Variants in OR5J2 observed in about 807,000 individuals in gnomAD.
The protein encoded by OR5J2 is olfactory receptor family 5 subfamily J member 2, also known as olfactory receptor 5J2.
In OR5J2, 4 loss-of-function variants were observed where a neutral mutation model predicts 6.7. That is an observed-to-expected ratio of 0.60 (90% confidence interval 0.29 to 1.37). The LOEUF is 1.37. Ranked by LOEUF, OR5J2 falls within the 40% of genes most tolerant of loss-of-function variation. The pLI, the probability that OR5J2 is intolerant of heterozygous loss-of-function variation, is 0.09. For missense variants in OR5J2, 415 were observed against 366.4 expected, an observed-to-expected ratio of 1.13 and a Z score of -1.08; for synonymous variants, 174 against 140.4, an observed-to-expected ratio of 1.24 and a Z score of -1.69.
Position 56,176,856 on chromosome 11 carries a change from A to G in OR5J2, c.239A>G (p.Lys80Arg), listed in dbSNP as rs1421052321. Residue 80 changes from lysine to arginine, a missense_variant, in exon 1 of 1, where the codon AAA becomes AGA. Physicochemically the swap from Lys to Arg is conservative, Grantham distance 26. Coordinates refer to ENST00000312298, the MANE Select transcript of OR5J2 (RefSeq NM_001005492.1). Reference sequence around the variant, plus strand: ...TGCTATTCATCTGCAATTGCACCCAAAATGCTGGTGAACCTCCTGGTTGTG... The same window carrying G: ...TGCTATTCATCTGCAATTGCACCCAGAATGCTGGTGAACCTCCTGGTTGTG... Reference protein sequence around the residue: ...DACYSSAIAPKMLVNLLVVKA... With the variant: ...DACYSSAIAPRMLVNLLVVKA... The G allele has an allele frequency of 6.2e-7, 1 of 1,613,924 alleles. No homozygotes were observed. Among genetic ancestry groups the G allele is most frequent in the African/African-American group, 1.3e-5 (1 of 74,902 alleles).
chr11:56,177,233 AT>A lies in OR5J2; in HGVS notation c.618del (p.Ile206MetfsTer7). 1.9e-6 allele frequency: 3 copies of A among 1,613,976 alleles called. No homozygotes were observed. In the South Asian group the frequency reaches 3.3e-5, roughly 18 times the overall value. On this transcript the variant is annotated frameshift_variant, in exon 1 of 1. Transcript: ENST00000312298. LOFTEE classifies it high-confidence loss of function. ...ELLLLTFSGV[I>X]AMATFLTVII... is the part of the protein sequence containing the mutation. ...GTTGCTGTTAACCTTCTCCGGAGTC[AT>A]TGCCATGGCCACCTTCTTGACTGTG... is the stretch of plus-strand genomic sequence containing the variant.
rs769718571 is a variant in OR5J2 at position 56,176,706 on chromosome 11, T to A, written c.89T>A (p.Val30Glu). The part of the protein sequence containing the change: ...HAELKAVLFV[V>E]FLVIYAITLL... ...GAACTAAAAGCTGTGCTTTTTGTGG[T>A]GTTCCTGGTGATTTACGCCATTACC... The change falls in exon 1 of 1, where the codon GTG becomes GAG. Residue 30 changes from valine to glutamate, a missense_variant. By Grantham distance (121) the Val-to-Glu change is moderately radical. Transcript: ENST00000312298. 5.0e-6 allele frequency: 8 copies of A among 1,613,866 alleles called. No homozygotes were observed. Among genetic ancestry groups the A allele is most frequent in the Admixed American group, 1.7e-5 (1 of 59,984 alleles).
In OR5J2 at chr11:56,176,657, CT is replaced by C; in HGVS notation, c.44del (p.Leu15TrpfsTer3). 1 of 1,612,866 alleles carries C rather than the reference CT, an allele frequency of 6.2e-7. No individual in the cohort carries two copies. The highest frequency in any genetic ancestry group is 8.5e-7 in the Non-Finnish European group (1 of 1,179,298). On this transcript the variant is annotated frameshift_variant, in exon 1 of 1. Coordinates refer to ENST00000312298, the MANE Select transcript of OR5J2 (RefSeq NM_001005492.1). LOFTEE classifies it low-confidence loss of function (END_TRUNC). ...TTTTACAGTTGTCACTGAGTTTATT[CT>C]TTTGGGATTGACAGATCATGCTGAA... ...DNFTVVTEFI[L>X]LGLTDHAELK...
chr11:56,177,083 A>G lies in OR5J2; in HGVS notation c.466A>G (p.Thr156Ala), dbSNP rs1371931564. The change falls in exon 1 of 1, where the codon ACA becomes GCA. Residue 156 changes from threonine (T) to alanine (A), a missense_variant. Physicochemically the swap from Thr to Ala is moderately conservative, Grantham distance 58. Coordinates refer to ENST00000312298, the MANE Select transcript of OR5J2 (RefSeq NM_001005492.1). Reference protein sequence around the residue: ...TGSWIGGIVNTLIHTISLRRL... With the variant: ...TGSWIGGIVNALIHTISLRRL... ...ATCATGGATAGGTGGAATAGTTAAC[A>G]CATTAATCCACACAATCAGCTTGAG... 3 of 1,613,632 alleles carry G rather than the reference A, an allele frequency of 1.9e-6. No homozygotes were observed. Among genetic ancestry groups the G allele is most frequent in the Non-Finnish European group, 2.5e-6 (3 of 1,179,710 alleles).
rs142761104 is a variant in OR5J2 at position 56,177,315 on chromosome 11, G to T, written c.698G>T (p.Gly233Val). ...AGCCTAAGGATCCACTCAGCATCAGGCAGACAGCAAGCCTTCTCCACCTGT... is the reference window on the plus strand; with the variant it reads ...AGCCTAAGGATCCACTCAGCATCAGTCAGACAGCAAGCCTTCTCCACCTGT... ...FASLRIHSAS[G>V]RQQAFSTCAS... Residue 233 changes from glycine to valine, a missense_variant, in exon 1 of 1, where the codon GGC becomes GTC. Coordinates refer to ENST00000312298, the MANE Select transcript of OR5J2 (RefSeq NM_001005492.1). 201 of 1,613,800 alleles carry T rather than the reference G, an allele frequency of 1.2e-4. No homozygotes were observed. The highest frequency in any genetic ancestry group is 1.6e-4 in the Non-Finnish European group (190 of 1,179,914).
In OR5J2 at chr11:56,177,517, A is replaced by C; in HGVS notation, c.900A>C (p.Ala300=). 6.2e-7 allele frequency: 1 copy of C among 1,606,798 alleles called. No individual in the cohort carries two copies. The highest frequency in any genetic ancestry group is 1.1e-5 in the South Asian group (1 of 91,056). ...HSLRNKDVKE[A]VKRAIEMKHF... ...TGAGAAACAAGGACGTAAAGGAGGCAGTGAAAAGGGCCATAGAAATGAAAC... is the reference window on the plus strand; with the variant it reads ...TGAGAAACAAGGACGTAAAGGAGGCCGTGAAAAGGGCCATAGAAATGAAAC... Residue 300 remains alanine (A), a synonymous_variant, in exon 1 of 1, where the codon GCA becomes GCC. Transcript: ENST00000312298.
Position 56,176,916 on chromosome 11 carries a change from A to G in OR5J2, c.299A>G (p.Gln100Arg), listed in dbSNP as rs749585315. 1 of 1,614,110 alleles carries G rather than the reference A, an allele frequency of 6.2e-7. No individual in the cohort carries two copies. Among genetic ancestry groups the G allele is most frequent in the East Asian group, 2.2e-5 (1 of 44,874 alleles). Reference sequence around the variant, plus strand: ...ATTTCTTTCTCTGCTTGCATGGTACAGCATTTGTGTTTCGGAGTGTTCATC... The same window carrying G: ...ATTTCTTTCTCTGCTTGCATGGTACGGCATTTGTGTTTCGGAGTGTTCATC... ...ATISFSACMV[Q>R]HLCFGVFITT... Residue 100 changes from glutamine to arginine, a missense_variant, in exon 1 of 1, where the codon CAG becomes CGG. Physicochemically the swap from Gln to Arg is conservative, Grantham distance 43. Coordinates refer to ENST00000312298, the MANE Select transcript of OR5J2 (RefSeq NM_001005492.1).
rs541303401 is a variant in OR5J2 at position 56,177,525 on chromosome 11, G to C, written c.908G>C (p.Arg303Thr). 8 of 1,603,118 alleles carry C rather than the reference G, an allele frequency of 5.0e-6. No homozygotes were observed. The highest frequency in any genetic ancestry group is 5.1e-6 in the Non-Finnish European group (6 of 1,178,334). The change falls in exon 1 of 1, where the codon AGG becomes ACG. Residue 303 changes from arginine to threonine, a missense_variant. By Grantham distance (71) the Arg-to-Thr change is moderately conservative. Coordinates refer to ENST00000312298, the MANE Select transcript of OR5J2 (RefSeq NM_001005492.1). ...RNKDVKEAVKRAIEMKHFLC is the reference protein window; with the variant it reads ...RNKDVKEAVKTAIEMKHFLC ...AAGGACGTAAAGGAGGCAGTGAAAA[G>C]GGCCATAGAAATGAAACATTTCCTC... is the stretch of plus-strand genomic sequence containing the variant.
Position 56,177,521 on chromosome 11 carries a change from A to G in OR5J2, c.904A>G (p.Lys302Glu). 1.2e-6 allele frequency: 2 copies of G among 1,605,414 alleles called. No homozygotes were observed. The highest frequency in any genetic ancestry group is 1.7e-6 in the Non-Finnish European group (2 of 1,178,984). ...AAACAAGGACGTAAAGGAGGCAGTG[A>G]AAAGGGCCATAGAAATGAAACATTT... is the stretch of plus-strand genomic sequence containing the variant. ...LRNKDVKEAV[K>E]RAIEMKHFLC is the part of the protein sequence containing the mutation. Residue 302 changes from lysine (K) to glutamate (E), a missense_variant, in exon 1 of 1, where the codon AAA becomes GAA. Coordinates refer to ENST00000312298, the MANE Select transcript of OR5J2 (RefSeq NM_001005492.1).
Position 56,177,072 on chromosome 11 carries a change from G to A in OR5J2, c.455G>A (p.Gly152Glu). 1 of 1,614,030 alleles carries A rather than the reference G, an allele frequency of 6.2e-7. No homozygotes were observed. The highest frequency in any genetic ancestry group is 8.5e-7 in the Non-Finnish European group (1 of 1,179,954). Residue 152 changes from glycine (G) to glutamate (E), a missense_variant, in exon 1 of 1, where the codon GGA becomes GAA. Physicochemically the swap from Gly to Glu is moderately conservative, Grantham distance 98 (BLOSUM62 -2). Coordinates refer to ENST00000312298, the MANE Select transcript of OR5J2 (RefSeq NM_001005492.1). ...CTTGTCACAGGATCATGGATAGGTG[G>A]AATAGTTAACACATTAATCCACACA... Reference protein sequence around the residue: ...VELVTGSWIGGIVNTLIHTIS... With the variant: ...VELVTGSWIGEIVNTLIHTIS...
At position 56,176,717 on chromosome 11, in the gene OR5J2, A is replaced by G; in HGVS notation, c.100A>G (p.Ile34Val). The change falls in exon 1 of 1, where the codon ATT becomes GTT. Residue 34 changes from isoleucine to valine, a missense_variant. Coordinates refer to ENST00000312298, the MANE Select transcript of OR5J2 (RefSeq NM_001005492.1). ...KAVLFVVFLV[I>V]YAITLLRNLG... ...TGTGCTTTTTGTGGTGTTCCTGGTGATTTACGCCATTACCTTGTTGAGGAA... is the reference window on the plus strand; with the variant it reads ...TGTGCTTTTTGTGGTGTTCCTGGTGGTTTACGCCATTACCTTGTTGAGGAA... 1 of 1,613,120 alleles carries G rather than the reference A, an allele frequency of 6.2e-7. No individual in the cohort carries two copies. Among genetic ancestry groups the G allele is most frequent in the Non-Finnish European group, 8.5e-7 (1 of 1,179,920 alleles).
Position 56,176,735 on chromosome 11 carries a change from T to C in OR5J2, c.118T>C (p.Leu40=). ...CCTGGTGATTTACGCCATTACCTTG[T>C]TGAGGAATCTGGGCATGATCCTCTT... ...VFLVIYAITL[L]RNLGMILLIQ... is the part of the protein sequence containing the mutation. The change falls in exon 1 of 1, where the codon TTG becomes CTG. Residue 40 remains leucine, a synonymous_variant. Transcript: ENST00000312298. The C allele has an allele frequency of 8.1e-6, 13 of 1,614,060 alleles. No homozygotes were observed. Among genetic ancestry groups the C allele is most frequent in the South Asian group, 1.1e-5 (1 of 91,082 alleles).
In OR5J2 at chr11:56,177,162, C is replaced by A. The variant is rs758788165; in HGVS notation, c.545C>A (p.Pro182His). The A allele has an allele frequency of 1.9e-6, 3 of 1,614,016 alleles. No individual in the cohort carries two copies. Among genetic ancestry groups the A allele is most frequent in the Non-Finnish European group, 2.5e-6 (3 of 1,179,990 alleles). ...GTCAGCCACTTCTTCTGTGACATTC[C>A]TTCACTGCTAAAGCTGTCATGTTCT... ...NAVSHFFCDIPSLLKLSCSDT... is the reference protein window; with the variant it reads ...NAVSHFFCDIHSLLKLSCSDT... The change falls in exon 1 of 1, where the codon CCT becomes CAT. Residue 182 changes from proline to histidine, a missense_variant. By Grantham distance (77) the Pro-to-His change is moderately conservative (BLOSUM62 -2). Transcript: ENST00000312298.
rs1852555099 is a variant in OR5J2 at position 56,177,458 on chromosome 11, G to T, written c.841G>T (p.Gly281Trp). Residue 281 changes from glycine to tryptophan, a missense_variant, in exon 1 of 1, where the codon GGG becomes TGG. By Grantham distance (184) the Gly-to-Trp change is radical. Coordinates refer to ENST00000312298, the MANE Select transcript of OR5J2 (RefSeq NM_001005492.1). Reference sequence around the variant, plus strand: ...AGTGGTTTCTATGTTCTATACGCTAGGGATTCCCATGTTAAACCTGTTGAT... The same window carrying T: ...AGTGGTTTCTATGTTCTATACGCTATGGATTCCCATGTTAAACCTGTTGAT... ...EKVVSMFYTL[G>W]IPMLNLLIHS... is the part of the protein sequence containing the mutation. 1 of 1,613,566 alleles carries T rather than the reference G, an allele frequency of 6.2e-7. No individual in the cohort carries two copies. The highest frequency in any genetic ancestry group is 1.1e-5 in the South Asian group (1 of 91,088).
Position 56,177,483 on chromosome 11 carries a change from TAC to T in OR5J2, c.870_871del (p.His290GlnfsTer?), listed in dbSNP as rs776840586. ...GGGATTCCCATGTTAAACCTGTTGA[TAC>T]ACAGTTTGAGAAACAAGGACGTAAA... On this transcript the variant is annotated frameshift_variant, in exon 1 of 1. Transcript: ENST00000312298. LOFTEE classifies it high-confidence loss of function. The T allele has an allele frequency of 1.9e-5, 31 of 1,612,754 alleles. No individual in the cohort carries two copies. Among genetic ancestry groups the T allele is most frequent in the Non-Finnish European group, 2.6e-5 (31 of 1,179,864 alleles).
chr11:56,176,846 A>G lies in OR5J2; in HGVS notation c.229A>G (p.Ile77Val), dbSNP rs200335105. 5 of 1,614,050 alleles carry G rather than the reference A, an allele frequency of 3.1e-6. No homozygotes were observed. The highest frequency in any genetic ancestry group is 3.4e-6 in the Non-Finnish European group (4 of 1,179,964). Residue 77 changes from isoleucine to valine, a missense_variant, in exon 1 of 1, where the codon ATT becomes GTT. Transcript: ENST00000312298. ...SFVDACYSSA[I>V]APKMLVNLLV... ...TGTGGATGCCTGCTATTCATCTGCA[A>G]TTGCACCCAAAATGCTGGTGAACCT...
Position 56,176,642 on chromosome 11 carries a change from G to A in OR5J2, c.25G>A (p.Val9Ile). 6.2e-7 allele frequency: 1 copy of A among 1,607,090 alleles called. No homozygotes were observed. The highest frequency in any genetic ancestry group is 8.5e-7 in the Non-Finnish European group (1 of 1,175,432). The change falls in exon 1 of 1, where the codon GTC becomes ATC. Residue 9 changes from valine to isoleucine, a missense_variant. Coordinates refer to ENST00000312298, the MANE Select transcript of OR5J2 (RefSeq NM_001005492.1). Reference protein sequence around the residue: MADDNFTVVTEFILLGLTD... With the variant: MADDNFTVITEFILLGLTD... ...TATGGCTGATGATAATTTTACAGTT[G>A]TCACTGAGTTTATTCTTTTGGGATT...
Position 56,177,408 on chromosome 11 carries a change from C to G in OR5J2, c.791C>G (p.Ser264Cys). The change falls in exon 1 of 1, where the codon TCC becomes TGC. Residue 264 changes from serine to cysteine, a missense_variant. Transcript: ENST00000312298. ...TLIFSYIQPS[S>C]QYFVEQEKVV... ...ATCTTTAGCTACATTCAGCCAAGCT[C>G]CCAGTATTTTGTGGAACAAGAGAAA... The G allele has an allele frequency of 6.2e-7, 1 of 1,614,048 alleles. No individual in the cohort carries two copies. The highest frequency in any genetic ancestry group is 8.5e-7 in the Non-Finnish European group (1 of 1,179,988).
At position 56,176,981 on chromosome 11, in the gene OR5J2, C is replaced by A. The variant is rs142469225; in HGVS notation, c.364C>A (p.Arg122Ser). The A allele has an allele frequency of 5.6e-6, 9 of 1,613,950 alleles. No individual in the cohort carries two copies. Among genetic ancestry groups the A allele is most frequent in the Non-Finnish European group, 7.6e-6 (9 of 1,179,900 alleles). ...GFLLSVMAYD[R>S]YVAIVSPLLY... Reference sequence around the variant, plus strand: ...CTTACTGTCAGTGATGGCCTATGACCGCTATGTGGCCATTGTGAGTCCCTT... The same window carrying A: ...CTTACTGTCAGTGATGGCCTATGACAGCTATGTGGCCATTGTGAGTCCCTT... The change falls in exon 1 of 1, where the codon CGC (arginine) becomes AGC (serine). Residue 122 changes from arginine (R) to serine (S), a missense_variant. Physicochemically the swap from Arg to Ser is moderately radical, Grantham distance 110. Coordinates refer to ENST00000312298, the MANE Select transcript of OR5J2 (RefSeq NM_001005492.1).
Sources: gnomAD v4.1 joint callset for allele counts on GRCh38, gnomAD v4.1.1 for gene constraint, MANE v1.5 for transcripts, NCBI Gene and HGNC (gene_info 2026-07-23, HGNC 2026-07-21) for gene names.